Variants in ZMIZ1 observed in about 807,000 individuals in gnomAD.
ZMIZ1 encodes zinc finger MIZ domain-containing protein 1.
Under a neutral mutation model 113.9 loss-of-function variants are expected in ZMIZ1, and 17 were observed. That is an observed-to-expected ratio of 0.15 (90% CI 0.10 to 0.22). The LOEUF is 0.22. ZMIZ1 is among the 10% of genes least tolerant of loss of function. The probability of loss-of-function intolerance (pLI) is 1.00; values close to 1 mark genes in which losing one functional copy is unlikely to be tolerated. For missense variants in ZMIZ1, 1,059 were observed against 1,477.8 expected (o/e 0.72, Z 4.65); for synonymous variants, 607 against 603.1 (o/e 1.01, Z -0.09).
chr10:79,211,415 A>G (rs539516317), intron 6 of ZMIZ1, among the ~76,000 whole-genome samples: 17 of 152,006 alleles, frequency 1.1e-4, no homozygotes, highest in African/African-American at 4.1e-4. Context: ...GTGGGGCAAG[A>G]CAGCTGTCCC....
chr10:79,206,151 C>T (rs917176478), intron 5 of ZMIZ1, among the ~76,000 whole-genome samples: 28 of 151,630 alleles, frequency 1.8e-4, no homozygotes, highest in Admixed American at 1.3e-4. Context: ...ATGTTTTCTT[C>T]AGCAATGAGG....
chr10:79,229,575 T>C (rs901266364), intron 7 of ZMIZ1, among the ~76,000 whole-genome samples: 1 of 152,206 alleles, frequency 6.6e-6, no homozygotes, highest in Non-Finnish European at 1.5e-5. Context: ...ATTAGCAGTC[T>C]GCCTTTCAAA....
At chr10:79,070,425 C>T (rs1361532797) in intron 1 of ZMIZ1, among the ~76,000 whole-genome samples, 1 of 151,796 alleles carries the variant, frequency 6.6e-6, no homozygotes, top group Non-Finnish European at 1.5e-5. Context: ...GCCCCGGAGC[C>T]GCCGGAGAAG....
At chr10:79,287,744 C>A (rs974361959) in intron 8 of ZMIZ1, among the ~76,000 whole-genome samples, 10 of 152,172 alleles carry the variant, frequency 6.6e-5, no homozygotes, top group African/African-American at 2.4e-4. Flanking sequence ...ATTCTGTAAC[C>A]CACAGTTGGA....
intron 1 of ZMIZ1, among the ~76,000 whole-genome samples, chr10:79,100,866 C>T (rs967570317): frequency 6.6e-5 from 10 of 152,146 alleles, no homozygotes; most frequent in African/African-American, 2.2e-4. Context: ...CCTTGGCCCT[C>T]AGGGCTTTTG....
intron 2 of ZMIZ1, among the ~76,000 whole-genome samples, chr10:79,129,101 GTTT>G (rs1365529819): frequency 1.3e-5 from 2 of 151,902 alleles, no homozygotes. Flanking sequence ...TTGTTTAATG[GTTT>G]TTATCAGATG....
intron 7 of ZMIZ1, among the ~76,000 whole-genome samples, chr10:79,231,062 A>G (rs545737343): frequency 6.6e-6 from 1 of 152,284 alleles, no homozygotes; most frequent in African/African-American, 2.4e-5. Flanking sequence ...TCAGAGTCAC[A>G]TGTCCACACA....
chr10:79,240,161 C>T (rs1194309041), intron 7 of ZMIZ1, among the ~76,000 whole-genome samples: 1 of 118,502 alleles, frequency 8.4e-6, no homozygotes, highest in East Asian at 2.4e-4. Context: ...GGAGCCGCAG[C>T]GCGGGGGCTG....
chr10:79,167,935 G>A (rs1329743869), intron 4 of ZMIZ1, among the ~76,000 whole-genome samples: 1 of 152,210 alleles, frequency 6.6e-6, no homozygotes, highest in African/African-American at 2.4e-5. Context: ...GATGCCTGTG[G>A]CAGGGATGGC....
intron 7 of ZMIZ1, among the ~76,000 whole-genome samples, chr10:79,244,412 C>G (rs929679331): frequency 5.9e-5 from 9 of 152,212 alleles, no homozygotes; most frequent in Admixed American, 5.2e-4. Context: ...GCCTGGGGTC[C>G]TGAGCATGTG....
intron 4 of ZMIZ1, among the ~76,000 whole-genome samples, chr10:79,192,814 A>G (rs1254570433): frequency 6.6e-6 from 1 of 152,088 alleles, no homozygotes; most frequent in East Asian, 1.9e-4. Flanking sequence ...CTGCCTACCC[A>G]GGGGCCCCAC....
intron 7 of ZMIZ1, among the ~76,000 whole-genome samples, chr10:79,221,333 G>A (rs1372600806): frequency 1.3e-5 from 2 of 152,224 alleles, no homozygotes; most frequent in Non-Finnish European, 2.9e-5. Flanking sequence ...GGCAGTCACT[G>A]CAGCAGCCGC....
At chr10:79,099,695 A>G (rs1051466024) in intron 1 of ZMIZ1, among the ~76,000 whole-genome samples, 1 of 152,068 alleles carries the variant, frequency 6.6e-6, no homozygotes, top group Non-Finnish European at 1.5e-5. Context: ...CTGGTCCTGC[A>G]TTTCCCAGGT....
intron 5 of ZMIZ1, among the ~76,000 whole-genome samples, chr10:79,206,884 C>A (rs957504322): frequency 6.6e-6 from 1 of 152,356 alleles, no homozygotes; most frequent in Non-Finnish European, 1.5e-5. Flanking sequence ...GGAGGACATT[C>A]TCCTTCATTT....
chr10:79,132,588 C>A (rs1844818631), intron 2 of ZMIZ1, among the ~76,000 whole-genome samples: 1 of 152,236 alleles, frequency 6.6e-6, no homozygotes, highest in Non-Finnish European at 1.5e-5. Flanking sequence ...AAATTTGCTG[C>A]CTCTCCCCTA....
chr10:79,178,957 C>G (rs567468820), intron 4 of ZMIZ1, among the ~76,000 whole-genome samples: 3 of 152,344 alleles, frequency 2.0e-5, no homozygotes, highest in East Asian at 1.9e-4. Context: ...CTGCTCTGCT[C>G]TGGCCCAGGT....
intron 7 of ZMIZ1, among the ~76,000 whole-genome samples, chr10:79,253,203 G>A (rs952238870): frequency 7.2e-5 from 11 of 152,200 alleles, no homozygotes; most frequent in Non-Finnish European, 1.3e-4. Context: ...AATGTTGCCT[G>A]GGTTTTGCAT....
At chr10:79,207,633 G>A (rs1848373058) in intron 5 of ZMIZ1, among the ~76,000 whole-genome samples, 1 of 152,208 alleles carries the variant, frequency 6.6e-6, no homozygotes, top group African/African-American at 2.4e-5. Context: ...AGCTCAGGCT[G>A]ACTTCCCCAA....
At chr10:79,282,359 A>T (rs1481619000) in intron 8 of ZMIZ1, among the ~76,000 whole-genome samples, 1 of 152,200 alleles carries the variant, frequency 6.6e-6, no homozygotes, top group African/African-American at 2.4e-5. Flanking sequence ...TTGAGATTTG[A>T]TGCCCGCAGG....
Sources: allele counts gnomAD v4.1 joint callset (sites outside exome capture counted in the v4.1 genomes callset), GRCh38; gene constraint gnomAD v4.1.1; transcripts MANE v1.5; gene names NCBI Gene and HGNC (gene_info 2026-07-23, HGNC 2026-07-21).